GMDS: variants seen among roughly 807,000 people sequenced by gnomAD.
GMDS encodes the protein GDP-mannose 4,6 dehydratase.
A neutral mutation model predicts 49.9 loss-of-function variants in GMDS; 20 were observed. The ratio of observed to expected loss-of-function variants is 0.40; its 90% CI spans 0.28 to 0.58. The LOEUF is 0.58. GMDS is among the 20% of genes least tolerant of loss of function. The pLI is 0.42. For missense variants in GMDS, 362 were observed against 481.4 expected (o/e 0.75, Z 2.32); for synonymous variants, 177 against 178.6 (o/e 0.99, Z 0.07).
chr6:1,689,065 A>G (rs186215445), intron 9 of GMDS, among the ~76,000 whole-genome samples: 1 of 152,336 alleles, frequency 6.6e-6, no homozygotes, highest in East Asian at 1.9e-4. Context: ...TTGGGCCATA[A>G]TAAGCACCAG....
At chr6:2,185,597 C>A (rs1316167448) in intron 1 of GMDS, among the ~76,000 whole-genome samples, 2 of 152,160 alleles carry the variant, frequency 1.3e-5, no homozygotes, top group Non-Finnish European at 2.9e-5. Flanking sequence ...CAGATGTGTA[C>A]CAAGGCTGCC....
intron 9 of GMDS, among the ~76,000 whole-genome samples, chr6:1,638,526 G>A (rs1328014673): frequency 1.1e-4 from 2 of 18,876 alleles, no homozygotes; most frequent in African/African-American, 4.6e-4. Context: ...CCCAACCCCC[G>A]ACACTATGAG....
chr6:2,245,445 G>A lies in GMDS; in HGVS notation c.-23C>T, dbSNP rs1561688143. 6 of 1,387,298 alleles carry A rather than the reference G, an allele frequency of 4.3e-6. No homozygotes were observed. Among genetic ancestry groups the A allele is most frequent in the Admixed American group, 6.2e-5 (2 of 32,300 alleles). The allele number at this position is 1,387,298 out of a possible 1,614,324, so 85.9% of individuals were successfully genotyped here. On this transcript the variant is annotated 5_prime_UTR_variant, in exon 1 of 11. Transcript: ENST00000380815. Reference sequence around the variant, plus strand: ...CATGTCCCGCGGCGGGCGTGCGGTCGGCGGCAGGGCGGAGCGCGGCAGAGG... The same window carrying A: ...CATGTCCCGCGGCGGGCGTGCGGTCAGCGGCAGGGCGGAGCGCGGCAGAGG...
chr6:1,774,285 C>G (rs1188204856), intron 7 of GMDS, among the ~76,000 whole-genome samples: 1 of 152,206 alleles, frequency 6.6e-6, no homozygotes, highest in African/African-American at 2.4e-5. Context: ...CCTCATCACT[C>G]ACATGTCACA....
In GMDS at chr6:2,052,999, A is replaced by C. The variant is rs183821820; in HGVS notation, c.345+62772T>G. On this transcript the variant is annotated intron_variant, in intron 4 of 10. Coordinates refer to ENST00000380815, the MANE Select transcript of GMDS (RefSeq NM_001500.4). ...AGCTAAGTTTTTTCTGCTCCTTGCA[A>C]CTGATGCAAGATCCTTACATACCAC... Among the ~76,000 whole-genome samples the C allele has an allele frequency of 2.6e-3, 395 of 152,316 alleles. 2 individuals are homozygous for C. Among genetic ancestry groups the C allele is most frequent in the African/African-American group, 9.3e-3 (385 of 41,580 alleles).
chr6:2,180,433 A>G (rs1778468793), intron 1 of GMDS, among the ~76,000 whole-genome samples: 1 of 152,242 alleles, frequency 6.6e-6, no homozygotes, highest in Non-Finnish European at 1.5e-5. Flanking sequence ...TCATCTTTTG[A>G]ATGTACTAAG....
At chr6:2,120,739 G>A (rs545779318) in intron 2 of GMDS, among the ~76,000 whole-genome samples, 6 of 152,268 alleles carry the variant, frequency 3.9e-5, no homozygotes, top group East Asian at 3.9e-4. Flanking sequence ...ACTAGAATGC[G>A]CTTTCATAAA....
rs538309140 is a variant in GMDS at position 1,766,288 on chromosome 6, C to G, written c.772-23702G>C. Reference sequence around the variant, plus strand: ...CTGGAAATTGGACAGGAGCAAAGACCACAGAACTTTCGAGGCAGCAGATTC... The same window carrying G: ...CTGGAAATTGGACAGGAGCAAAGACGACAGAACTTTCGAGGCAGCAGATTC... On this transcript the variant is annotated intron_variant, in intron 7 of 10. Transcript: ENST00000380815. The surrounding 1 kb of genome is among the most constrained non-coding windows in gnomAD (Gnocchi z 4.5). Among the ~76,000 whole-genome samples, 2 of 152,102 alleles carry G rather than the reference C, an allele frequency of 1.3e-5. No individual in the cohort carries two copies. Among genetic ancestry groups the G allele is most frequent in the East Asian group, 3.9e-4 (2 of 5,176 alleles).
chr6:2,144,302 C>T lies in GMDS; in HGVS notation c.103-19571G>A, dbSNP rs142078338. 5.7e-3 allele frequency among the ~76,000 whole-genome samples: 864 copies of T among 152,306 alleles called. 2 individuals are homozygous for T. The highest frequency in any genetic ancestry group is 0.017 in the Middle Eastern group (5 of 294). On this transcript the variant is annotated intron_variant, in intron 1 of 10. Coordinates refer to ENST00000380815, the MANE Select transcript of GMDS (RefSeq NM_001500.4). ...CACACAGTAGAGGCTCAGGAATCAG[C>T]TGATTGTCCTCAGTGATCCTAGAGA...
At chr6:1,756,099 T>G (rs1318956727) in intron 7 of GMDS, among the ~76,000 whole-genome samples, 2 of 152,150 alleles carry the variant, frequency 1.3e-5, no homozygotes, top group South Asian at 4.1e-4. Context: ...GGGCAAAGGA[T>G]ATGAACAGAA....
intron 1 of GMDS, among the ~76,000 whole-genome samples, chr6:2,132,609 G>C (rs1283723525): frequency 6.6e-6 from 1 of 152,148 alleles, no homozygotes; most frequent in African/African-American, 2.4e-5. Context: ...AGGTGGCAAG[G>C]CTTTGTGGAT....
chr6:1,667,826 T>A (rs79094708), intron 9 of GMDS, among the ~76,000 whole-genome samples: 2 of 151,650 alleles, frequency 1.3e-5, no homozygotes, highest in African/African-American at 4.8e-5. Context: ...TGAAAAAAAA[T>A]GTGCCCCACT....
In GMDS at chr6:1,833,462, T is replaced by C. The variant is rs933611105; in HGVS notation, c.772-90876A>G. Among the ~76,000 whole-genome samples, 4 of 152,078 alleles carry C rather than the reference T, an allele frequency of 2.6e-5. No homozygotes were observed. Among genetic ancestry groups the C allele is most frequent in the Admixed American group, 6.6e-5 (1 of 15,248 alleles). ...GGAGGACGCTGTAATAAAAACTTTATAAGGTGAAATCTAAATCCTGAATGC... is the reference window on the plus strand; with the variant it reads ...GGAGGACGCTGTAATAAAAACTTTACAAGGTGAAATCTAAATCCTGAATGC... On this transcript the variant is annotated intron_variant, in intron 7 of 10. Coordinates refer to ENST00000380815, the MANE Select transcript of GMDS (RefSeq NM_001500.4). The surrounding 1 kb of genome is among the most constrained non-coding windows in gnomAD (Gnocchi z 4.4).
intron 7 of GMDS, among the ~76,000 whole-genome samples, chr6:1,895,012 G>A (rs1760081225): frequency 6.6e-6 from 1 of 152,132 alleles, no homozygotes; most frequent in African/African-American, 2.4e-5. Flanking sequence ...ATATCTTCTA[G>A]AATTACTTTA....
intron 9 of GMDS, among the ~76,000 whole-genome samples, chr6:1,673,561 T>C (rs1171637396): frequency 6.6e-6 from 1 of 152,042 alleles, no homozygotes; most frequent in African/African-American, 2.4e-5. Flanking sequence ...TTACCTAAAA[T>C]CCATAGATTT....
intron 1 of GMDS, among the ~76,000 whole-genome samples, chr6:2,239,748 C>T (rs975485981): frequency 2.0e-5 from 3 of 151,660 alleles, no homozygotes; most frequent in Non-Finnish European, 4.4e-5. Context: ...TGCAGTGGCA[C>T]GATCTCGGCT....
At chr6:1,722,281 G>C (rs1316140211) in intron 9 of GMDS, among the ~76,000 whole-genome samples, 1 of 97,518 alleles carries the variant, frequency 1.0e-5, no homozygotes, top group East Asian at 4.2e-4. Flanking sequence ...TAGAGATGGG[G>C]TTTCTCCATC....
At chr6:1,785,599 A>G (rs139697487) in intron 7 of GMDS, among the ~76,000 whole-genome samples, 27 of 152,308 alleles carry the variant, frequency 1.8e-4, no homozygotes, top group African/African-American at 6.5e-4. Context: ...AGATCCCACG[A>G]GAGCAAGTCA....
intron 7 of GMDS, among the ~76,000 whole-genome samples, chr6:1,911,364 T>C (rs1014385935): frequency 6.6e-6 from 1 of 152,166 alleles, no homozygotes; most frequent in Admixed American, 6.5e-5. Flanking sequence ...AACTGGCATA[T>C]TAAGTGTACC....
Sources: gnomAD v4.1 joint callset for allele counts (sites outside exome capture counted in the v4.1 genomes callset) on GRCh38, gnomAD v4.1.1 for gene constraint, Gnocchi (gnomAD v3.1) non-coding constraint, MANE v1.5 for transcripts, NCBI Gene and HGNC (gene_info 2026-07-23, HGNC 2026-07-21) for gene names.